TGM5: variants seen among roughly 807,000 people sequenced by gnomAD.
TGM5 encodes transglutaminase 5.
In TGM5, 69 loss-of-function variants were observed where a neutral mutation model predicts 77.2. The ratio of observed to expected loss-of-function variants is 0.89; its 90% CI spans 0.74 to 1.09. The LOEUF (loss-of-function observed/expected upper bound fraction) is 1.09. TGM5 is among the 50% of genes least tolerant of loss of function. The pLI is 0.00. For missense variants in TGM5, 842 were observed against 896.5 expected (o/e 0.94, Z 0.78); for synonymous variants, 346 against 351.8 (o/e 0.98, Z 0.18).
chr15:43,261,074 G>GTTTTTTTTTTTT (rs1387299009), intron 1 of TGM5, among the ~76,000 whole-genome samples: 1 of 73,878 alleles, frequency 1.4e-5, no homozygotes, highest in African/African-American at 4.3e-5. Context: ...TTTTGTGTGT[G>GTTTTTTTTTTTT]TGTTTTTTTT....
At position 43,256,559 on chromosome 15, in the gene TGM5, G is replaced by A. The variant is rs1566835627; in HGVS notation, c.555+9C>T. 6.2e-7 allele frequency: 1 copy of A among 1,609,090 alleles called. No individual in the cohort carries two copies. Among genetic ancestry groups the A allele is most frequent in the Admixed American group, 1.7e-5 (1 of 60,010 alleles). On this transcript the variant is annotated intron_variant, in intron 4 of 12. Coordinates refer to ENST00000220420, the MANE Select transcript of TGM5 (RefSeq NM_201631.4). ...GCCGGGATGGGCCATAAGCAGGGCT[G>A]AGACTCACCTGTCCATAGTTCCAGG...
At chr15:43,256,068 G>A (rs563247879) in intron 4 of TGM5, among the ~76,000 whole-genome samples, 2 of 152,316 alleles carry the variant, frequency 1.3e-5, no homozygotes, top group African/African-American at 4.8e-5. Flanking sequence ...TAAAGAGACA[G>A]TAGCCATGGG....
intron 9 of TGM5, among the ~76,000 whole-genome samples, chr15:43,238,074 C>T (rs77760277): frequency 0.047 from 7,123 of 152,184 alleles, 551 homozygotes; most frequent in African/African-American, 0.16. Flanking sequence ...CGTCTGTCCC[C>T]GAGGCCCACG....
Position 43,232,938 on chromosome 15 carries a change from T to G in TGM5, c.*253A>C, listed in dbSNP as rs2042556800. On this transcript the variant is annotated 3_prime_UTR_variant, in exon 13 of 13. Transcript: ENST00000220420. ...CCTATTCATTCATTCAAAAAATATT[T>G]GTTGAGTGCCTAGCATATGCCAGAA... The G allele has an allele frequency of 2.0e-6, 1 of 511,746 alleles. No individual in the cohort carries two copies. The highest frequency in any genetic ancestry group is 3.5e-6 in the Non-Finnish European group (1 of 284,200). The allele number at this position is 511,746 out of a possible 1,614,324, so 31.7% of individuals were successfully genotyped here. A position where few individuals can be genotyped will look rare whatever the true frequency, so the allele number is the denominator to read the frequency against.
In TGM5 at chr15:43,232,990, C is replaced by T. The variant is rs1433705293; in HGVS notation, c.*201G>A. 1.5e-6 allele frequency: 1 copy of T among 653,246 alleles called. No individual in the cohort carries two copies. Among genetic ancestry groups the T allele is most frequent in the Admixed American group, 2.9e-5 (1 of 34,760 alleles). The allele number at this position is 653,246 out of a possible 1,614,324, so 40.5% of individuals were successfully genotyped here. ...TGGTTCTGAGTATAGGGGTAGTAAA[C>T]AAAGCAAAGTCTTTGCCCTCATGGA... On this transcript the variant is annotated 3_prime_UTR_variant, in exon 13 of 13. Transcript: ENST00000220420.
chr15:43,262,938 GTTT>G (rs2042800376), intron 1 of TGM5, among the ~76,000 whole-genome samples: 1 of 152,106 alleles, frequency 6.6e-6, no homozygotes, highest in South Asian at 2.1e-4. Flanking sequence ...AAGTAAAATT[GTTT>G]CTATTTACAT....
chr15:43,251,073 T>G (rs1201521718), intron 6 of TGM5, among the ~76,000 whole-genome samples: 2 of 152,184 alleles, frequency 1.3e-5, no homozygotes, highest in African/African-American at 4.8e-5. Flanking sequence ...GAAGGTTCTC[T>G]CTCTATCTTA....
rs746187832 is a variant in TGM5, at chr15:43,238,857, G to A, written c.1305C>T (p.Asp435=). ...NFISTKSIQS[D]ERDDITENYK... is the part of the protein sequence containing the mutation. ...AGTTCTCTGTGATGTCATCCCGCTC[G>A]TCACTCTGGATGCTCTTTGTGCTGA... Residue 435 remains aspartate (D), a synonymous_variant, in exon 9 of 13, where the codon GAC becomes GAT. Coordinates refer to ENST00000220420, the MANE Select transcript of TGM5 (RefSeq NM_201631.4). 23 of 1,614,048 alleles carry A rather than the reference G, an allele frequency of 1.4e-5. No individual in the cohort carries two copies. Among genetic ancestry groups the A allele is most frequent in the East Asian group, 4.5e-5 (2 of 44,902 alleles).
chr15:43,244,833 C>T (rs1359702560), intron 6 of TGM5, among the ~76,000 whole-genome samples: 3 of 152,012 alleles, frequency 2.0e-5, no homozygotes, highest in Non-Finnish European at 2.9e-5. Flanking sequence ...TTTGAGAGGC[C>T]AAGGAGGGAG....
Position 43,253,598 on chromosome 15 carries a change from G to A in TGM5, c.592C>T (p.Leu198=). Residue 198 remains leucine, a synonymous_variant, in exon 5 of 13, where the codon CTA becomes TTA. Coordinates refer to ENST00000220420, the MANE Select transcript of TGM5 (RefSeq NM_201631.4). ...DKIIDICLKL[L]DKSLHFQTDP... ...GTCTGGAAGTGCAGGCTCTTGTCTA[G>A]CAGCTTCAGGCAGATGTCTATGATT... 1 of 1,613,764 alleles carries A rather than the reference G, an allele frequency of 6.2e-7. No individual in the cohort carries two copies. Among genetic ancestry groups the A allele is most frequent in the Non-Finnish European group, 8.5e-7 (1 of 1,180,042 alleles).
At position 43,256,636 on chromosome 15, in the gene TGM5, T is replaced by A. The variant is rs747570738; in HGVS notation, c.487A>T (p.Asn163Tyr). ...SEPQRQEYVM[N>Y]DYGFIYQGSK... The stretch of plus-strand genomic sequence containing the variant: ...CCTTGGTAGATGAAGCCATAATCAT[T>A]CATGACATACTCCTGCCTCTGGGGT... The change falls in exon 4 of 13, where the codon AAT becomes TAT. Residue 163 changes from asparagine to tyrosine, a missense_variant. By Grantham distance (143) the Asn-to-Tyr change is moderately radical. This residue lies in a region of TGM5 where 815 missense variants were observed against 844.6 expected (regional missense o/e 0.96). Coordinates refer to ENST00000220420, the MANE Select transcript of TGM5 (RefSeq NM_201631.4). The A allele has an allele frequency of 2.5e-6, 4 of 1,614,126 alleles. No individual in the cohort carries two copies. Among genetic ancestry groups the A allele is most frequent in the Admixed American group, 3.3e-5 (2 of 60,018 alleles).
At chr15:43,257,760 T>C (rs1298814524) in intron 3 of TGM5, among the ~76,000 whole-genome samples, 1 of 152,160 alleles carries the variant, frequency 6.6e-6, no homozygotes, top group African/African-American at 2.4e-5. Context: ...ATCATGCTGC[T>C]ATAAAGACAC....
At chr15:43,235,383 T>C in intron 10 of TGM5, 86 bp downstream of exon 10, 1 of 1,580,040 alleles carries the variant, frequency 6.3e-7, no homozygotes. Context: ...GTCTCAGGGG[T>C]CTGCCCCCAG....
intron 1 of TGM5, 75 bp from the exon 2 acceptor site, chr15:43,260,654 G>A (rs2142382791): frequency 6.6e-7 from 1 of 1,522,910 alleles, no homozygotes; most frequent in Non-Finnish European, 9.1e-7. Flanking sequence ...TACTAGTTCT[G>A]CAAACTTGAG....
Position 43,240,900 on chromosome 15 carries a change from T to C in TGM5, c.953A>G (p.Tyr318Cys). 6.2e-7 allele frequency: 1 copy of C among 1,614,208 alleles called. No homozygotes were observed. The highest frequency in any genetic ancestry group is 8.5e-7 in the Non-Finnish European group (1 of 1,180,048). ...TDGNLIIDEY[Y>C]DNTGRILGNK... ...CCCCAAAATCCTGCCTGTGTTGTCA[T>C]AATACTCATCTATGATCAGGTTTCC... The change falls in exon 7 of 13, where the codon TAT becomes TGT. Residue 318 changes from tyrosine (Y) to cysteine (C), a missense_variant. Around this residue, in one of 2 missense-constraint regions of TGM5, gnomAD observed 815 missense variants for 844.6 expected, o/e 0.96. Coordinates refer to ENST00000220420, the MANE Select transcript of TGM5 (RefSeq NM_201631.4).
chr15:43,253,967 C>A (rs933597779), intron 4 of TGM5, among the ~76,000 whole-genome samples: 9 of 119,564 alleles, frequency 7.5e-5, no homozygotes, highest in African/African-American at 4.1e-4. Context: ...ACTCCTAGAG[C>A]ACCAGGGGGT....
chr15:43,260,396 T>C lies in TGM5; in HGVS notation c.190+4A>G, dbSNP rs767199097. The C allele has an allele frequency of 1.2e-6, 2 of 1,614,076 alleles. No individual in the cohort carries two copies. The highest frequency in any genetic ancestry group is 2.7e-5 in the African/African-American group (2 of 74,926). On this transcript the variant is annotated splice_donor_region_variant and intron_variant, in intron 2 of 12. Coordinates refer to ENST00000220420, the MANE Select transcript of TGM5 (RefSeq NM_201631.4). Reference sequence around the variant, plus strand: ...AGCCCCTGTGAGCCAGCTGGGGTTCTTACCAGTTTCAACCACGAAGATGAT... The same window carrying C: ...AGCCCCTGTGAGCCAGCTGGGGTTCCTACCAGTTTCAACCACGAAGATGAT...
At chr15:43,236,234 G>C (rs2042589514) in intron 9 of TGM5, among the ~76,000 whole-genome samples, 2 of 152,044 alleles carry the variant, frequency 1.3e-5, no homozygotes, top group African/African-American at 4.8e-5. Flanking sequence ...ATCTCCTCAA[G>C]GGAAAGATGA....
chr15:43,266,899 T>TC lies in TGM5; in HGVS notation c.-51dup. The TC allele has an allele frequency of 6.2e-7, 1 of 1,613,166 alleles. No homozygotes were observed. Among genetic ancestry groups the TC allele is most frequent in the Non-Finnish European group, 8.5e-7 (1 of 1,179,846 alleles). ...TGCTCCCCACAGAACAGCTGGGCGG[T>TC]CTGGAGCTTCAGCAAACTGGTGCCA... On this transcript the variant is annotated 5_prime_UTR_variant, in exon 1 of 13. Transcript: ENST00000220420.
Sources: allele counts gnomAD v4.1 joint callset (sites outside exome capture counted in the v4.1 genomes callset), GRCh38; gene constraint gnomAD v4.1.1; regional missense constraint gnomAD v4.1.1; transcripts MANE v1.5; gene names NCBI Gene and HGNC (gene_info 2026-07-23, HGNC 2026-07-21).